Variants in STX8 observed in about 807,000 individuals in gnomAD.
STX8 encodes syntaxin 8, also known as syntaxin-8.
Under a neutral mutation model 37.5 loss-of-function variants are expected in STX8, and 23 were observed. That is an observed-to-expected ratio of 0.61 (90% confidence interval 0.44 to 0.87). The LOEUF (loss-of-function observed/expected upper bound fraction) is 0.87, where lower values mean the gene tolerates loss of function less well. Among genes scored for constraint, STX8 ranks in the 40% least tolerant of loss-of-function variants. The pLI is 0.00. For synonymous variants in STX8, 115 were observed against 99.1 expected, an observed-to-expected ratio of 1.16 and a Z score of -0.95; for missense variants, 313 against 284.7, an observed-to-expected ratio of 1.10 and a Z score of -0.71.
chr17:9,531,663 A>G (rs919773954), intron 4 of STX8, among the ~76,000 whole-genome samples: 1 of 152,196 alleles, frequency 6.6e-6, no homozygotes, highest in South Asian at 2.1e-4. Context: ...GCTTTCAGGA[A>G]TCCACTGAGG....
At chr17:9,414,648 G>A (rs1002639630) in intron 6 of STX8, among the ~76,000 whole-genome samples, 3 of 152,082 alleles carry the variant, frequency 2.0e-5, no homozygotes, top group Non-Finnish European at 2.9e-5. Flanking sequence ...GGGTGAGACC[G>A]CTCTACCCAG....
At chr17:9,519,942 A>G (rs1436164841) in intron 4 of STX8, among the ~76,000 whole-genome samples, 1 of 152,004 alleles carries the variant, frequency 6.6e-6, no homozygotes, top group Non-Finnish European at 1.5e-5. Flanking sequence ...TGGTATTCCC[A>G]TGGTGCTATG....
At chr17:9,485,390 C>T (rs1275908205) in intron 6 of STX8, among the ~76,000 whole-genome samples, 1 of 152,090 alleles carries the variant, frequency 6.6e-6, no homozygotes, top group Non-Finnish European at 1.5e-5. Flanking sequence ...TAGGGCCTGG[C>T]TTCTATGACA....
chr17:9,371,118 C>T (rs1462970402), intron 7 of STX8, among the ~76,000 whole-genome samples: 1 of 152,128 alleles, frequency 6.6e-6, no homozygotes, highest in Non-Finnish European at 1.5e-5. Flanking sequence ...GGGCCTCTCT[C>T]CTGTGTGGCC....
intron 6 of STX8, among the ~76,000 whole-genome samples, chr17:9,403,342 T>G (rs1405949632): frequency 6.6e-6 from 1 of 152,184 alleles, no homozygotes; most frequent in Non-Finnish European, 1.5e-5. Flanking sequence ...AAAATCTAAT[T>G]GCAGTACACA....
chr17:9,486,908 G>T (rs1019879980), intron 6 of STX8, among the ~76,000 whole-genome samples: 1 of 152,052 alleles, frequency 6.6e-6, no homozygotes, highest in African/African-American at 2.4e-5. Flanking sequence ...AGCCCTTTGT[G>T]CCCTCCCACC....
intron 3 of STX8, among the ~76,000 whole-genome samples, chr17:9,546,985 A>G (rs1289095550): frequency 6.6e-6 from 1 of 151,520 alleles, no homozygotes; most frequent in African/African-American, 2.4e-5. Context: ...GCGGTGGCTC[A>G]ACGCCTGTAA....
rs531051504 is a variant in STX8 at position 9,429,451 on chromosome 17, C to T, written c.542-50798G>A. 2.1e-5 allele frequency among the ~76,000 whole-genome samples: 3 copies of T among 144,372 alleles called. No homozygotes were observed. The South Asian group carries it at 6.5e-4, about 31-fold the overall frequency. 94.7% of individuals were successfully genotyped at this position (144,372 alleles called of 152,430 possible). A position where few individuals can be genotyped will look rare whatever the true frequency, so the allele number is the denominator to read the frequency against. ...GCACGGTGGCTCACACACCTGTAAT[C>T]CCAGCACTTTGGGAGGCCTAGGCAG... On this transcript the variant is annotated intron_variant, in intron 6 of 7. Transcript: ENST00000306357.
At chr17:9,274,293 G>T (rs1472619183) in intron 7 of STX8, among the ~76,000 whole-genome samples, 1 of 151,992 alleles carries the variant, frequency 6.6e-6, no homozygotes, top group Non-Finnish European at 1.5e-5. Flanking sequence ...CATCAGCTTG[G>T]CTTTGTTCAT....
At position 9,410,838 on chromosome 17, in the gene STX8, C is replaced by T. The variant is rs188706697; in HGVS notation, c.542-32185G>A. On this transcript the variant is annotated intron_variant, in intron 6 of 7. Coordinates refer to ENST00000306357, the MANE Select transcript of STX8 (RefSeq NM_004853.3). ...AAACATTATCATGAAATGTAACATA[C>T]GAAGAGAAAAGCAAAACTTATGTGT... Among the ~76,000 whole-genome samples, 195 of 152,132 alleles carry T rather than the reference C, an allele frequency of 1.3e-3. 1 individual carries two copies. The highest frequency in any genetic ancestry group is 3.6e-3 in the African/African-American group (148 of 41,504).
intron 7 of STX8, chr17:9,305,552 T>C (rs1908950786): frequency 6.6e-6 from 1 of 152,152 alleles, no homozygotes; most frequent in African/African-American, 2.4e-5. Context: ...TTAATGGTAT[T>C]TTCAACCCAC....
chr17:9,574,937 T>C (rs1347553822), intron 1 of STX8, among the ~76,000 whole-genome samples: 1 of 152,240 alleles, frequency 6.6e-6, no homozygotes, highest in Non-Finnish European at 1.5e-5. Flanking sequence ...ATTCTTCTAA[T>C]ATCCAGGATG....
intron 6 of STX8, among the ~76,000 whole-genome samples, chr17:9,412,172 G>C (rs1028500271): frequency 1.3e-5 from 2 of 152,152 alleles, no homozygotes; most frequent in Admixed American, 1.3e-4. Context: ...AGGGAAACTA[G>C]GGTGAGGGAA....
chr17:9,291,016 C>G (rs1908294511), intron 7 of STX8, among the ~76,000 whole-genome samples: 1 of 152,028 alleles, frequency 6.6e-6, no homozygotes, highest in South Asian at 2.1e-4. Context: ...AAATGAGGAT[C>G]CAGAAGTAGA....
chr17:9,301,735 C>T (rs1300793596), intron 7 of STX8, among the ~76,000 whole-genome samples: 2 of 151,922 alleles, frequency 1.3e-5, no homozygotes, highest in South Asian at 2.1e-4. Context: ...GTGATCCGTC[C>T]GTCTCGGCCT....
chr17:9,333,996 C>T (rs1910056247), intron 7 of STX8, among the ~76,000 whole-genome samples: 1 of 152,094 alleles, frequency 6.6e-6, no homozygotes, highest in Admixed American at 6.6e-5. Context: ...AAGCCAGTCT[C>T]CCTGAACATT....
chr17:9,347,810 G>C (rs1301423302), intron 7 of STX8, among the ~76,000 whole-genome samples: 1 of 152,172 alleles, frequency 6.6e-6, no homozygotes, highest in Non-Finnish European at 1.5e-5. Context: ...CAACTCCCCA[G>C]TCCCTGGCAA....
intron 7 of STX8, among the ~76,000 whole-genome samples, chr17:9,293,344 A>G (rs1908387351): frequency 6.6e-6 from 1 of 152,184 alleles, no homozygotes; most frequent in East Asian, 1.9e-4. Flanking sequence ...TCCAATCCAG[A>G]AAGTCAGATT....
chr17:9,363,919 A>G (rs1238806856), intron 7 of STX8, among the ~76,000 whole-genome samples: 1 of 152,134 alleles, frequency 6.6e-6, no homozygotes. Context: ...AAGGTTTTCC[A>G]ATTTTGCACT....
Sources: allele counts gnomAD v4.1 joint callset (sites outside exome capture counted in the v4.1 genomes callset), GRCh38; gene constraint gnomAD v4.1.1; transcripts MANE v1.5; gene names NCBI Gene and HGNC (gene_info 2026-07-23, HGNC 2026-07-21).